EFCAB5: variants seen among roughly 807,000 people sequenced by gnomAD.
EFCAB5 encodes EF-hand calcium binding domain 5, also known as EF-hand calcium-binding domain-containing protein 5.
Under a neutral mutation model 167.9 loss-of-function variants are expected in EFCAB5, and 131 were observed. The ratio of observed to expected loss-of-function variants is 0.78; its 90% CI spans 0.68 to 0.90. The LOEUF is 0.90. EFCAB5 is among the 40% of genes least tolerant of loss of function. The pLI, the probability that EFCAB5 is intolerant of heterozygous loss-of-function variation, is 0.00. For synonymous variants in EFCAB5, 574 were observed against 602.8 expected (o/e 0.95, Z 0.70); for missense variants, 1,663 against 1,745.2 (o/e 0.95, Z 0.84).
rs1212434923 is a variant in EFCAB5, at chr17:30,053,431, C to G, written c.1477C>G (p.Leu493Val). 2.5e-6 allele frequency: 4 copies of G among 1,613,980 alleles called. No homozygotes were observed. The highest frequency in any genetic ancestry group is 2.5e-6 in the Non-Finnish European group (3 of 1,179,882). ...KLLESPDQPKLNEQRTSTPSP... is the reference protein window; with the variant it reads ...KLLESPDQPKVNEQRTSTPSP... ...ATTAGAAAGTCCAGATCAACCTAAA[C>G]TTAACGAACAGAGAACATCAACACC... Residue 493 changes from leucine to valine, a missense_variant, in exon 10 of 23, where the codon CTT becomes GTT. Coordinates refer to ENST00000394835, the MANE Select transcript of EFCAB5 (RefSeq NM_198529.4).
At chr17:30,032,971 C>T (rs1442352034) in intron 7 of EFCAB5, among the ~76,000 whole-genome samples, 3 of 152,166 alleles carry the variant, frequency 2.0e-5, no homozygotes, top group African/African-American at 7.2e-5. Context: ...CTTAAGTGTT[C>T]CCCCTGGTTC....
At chr17:30,059,811 C>A (rs1464194868) in intron 14 of EFCAB5, 110 bp downstream of exon 14, 2 of 789,124 alleles carry the variant, frequency 2.5e-6, no homozygotes, top group East Asian at 3.0e-5. Flanking sequence ...ACTAGATAAC[C>A]CTTCATGTCT....
chr17:29,994,161 TATATATATATATATATGTG>T (rs2068492316), intron 5 of EFCAB5, among the ~76,000 whole-genome samples: 5 of 136,318 alleles, frequency 3.7e-5, no homozygotes, highest in Non-Finnish European at 6.3e-5. Context: ...TATATATATA[TATATATATATATATATGTG>T]ATATATATAT....
At chr17:29,959,157 T>C (rs2067673250) in intron 3 of EFCAB5, among the ~76,000 whole-genome samples, 1 of 152,062 alleles carries the variant, frequency 6.6e-6, no homozygotes, top group South Asian at 2.1e-4. Flanking sequence ...GTCTGGCTAC[T>C]GCTGATGTTT....
chr17:30,047,492 C>T (rs1211174623), intron 8 of EFCAB5, among the ~76,000 whole-genome samples: 1 of 152,060 alleles, frequency 6.6e-6, no homozygotes, highest in Non-Finnish European at 1.5e-5. Flanking sequence ...CATTTAACTA[C>T]CAGAGACAAG....
intron 7 of EFCAB5, among the ~76,000 whole-genome samples, chr17:30,022,724 T>C (rs2069211514): frequency 6.6e-6 from 1 of 152,190 alleles, no homozygotes; most frequent in Admixed American, 6.5e-5. Context: ...TTTTGTTTTG[T>C]TTTATAAGTC....
intron 6 of EFCAB5, among the ~76,000 whole-genome samples, chr17:29,998,061 A>G (rs932086543): frequency 6.6e-6 from 1 of 152,214 alleles, no homozygotes; most frequent in South Asian, 2.1e-4. Context: ...ATTGACAACA[A>G]TACATTGTCT....
Position 30,053,510 on chromosome 17 carries a change from AAAG to A in EFCAB5, c.1559_1561del (p.Arg520del). ...GGAGTAACTGCAGAACAAGGACCAC[AAAG>A]AATTTCAATTGAAGAACAACAACAA... is the stretch of plus-strand genomic sequence containing the variant. On this transcript the variant is annotated inframe_deletion, in exon 10 of 23. Coordinates refer to ENST00000394835, the MANE Select transcript of EFCAB5 (RefSeq NM_198529.4). The A allele has an allele frequency of 6.2e-7, 1 of 1,613,960 alleles. No individual in the cohort carries two copies. The highest frequency in any genetic ancestry group is 2.2e-5 in the East Asian group (1 of 44,878).
chr17:30,027,293 CTT>C (rs906468665), intron 7 of EFCAB5, among the ~76,000 whole-genome samples: 4 of 67,358 alleles, frequency 5.9e-5, no homozygotes, highest in South Asian at 5.2e-4. Flanking sequence ...CCACACCAGT[CTT>C]TTTTTTTTTT....
intron 3 of EFCAB5, among the ~76,000 whole-genome samples, chr17:29,964,273 AT>A (rs1446605574): frequency 6.6e-6 from 1 of 152,130 alleles, no homozygotes; most frequent in African/African-American, 2.4e-5. Context: ...TTAGCATAAA[AT>A]TGCTCATAGT....
intron 8 of EFCAB5, among the ~76,000 whole-genome samples, chr17:30,049,250 G>A (rs904737830): frequency 2.0e-5 from 3 of 152,098 alleles, no homozygotes; most frequent in Non-Finnish European, 2.9e-5. Flanking sequence ...GGGAGGCTGA[G>A]GTGGGCGGAT....
intron 8 of EFCAB5, among the ~76,000 whole-genome samples, chr17:30,040,805 G>A (rs2069749558): frequency 6.6e-6 from 1 of 152,198 alleles, no homozygotes; most frequent in Non-Finnish European, 1.5e-5. Flanking sequence ...GTTTAGCCCA[G>A]TTAGTTGCTT....
chr17:30,107,020 T>C (rs945531217), intron 22 of EFCAB5, among the ~76,000 whole-genome samples: 7 of 152,340 alleles, frequency 4.6e-5, no homozygotes, highest in Admixed American at 3.3e-4. Context: ...ACAAAACTCA[T>C]TGGTGTAGAG....
chr17:30,069,246 T>C (rs2070662783), intron 14 of EFCAB5: 3 of 1,536,824 alleles, frequency 2.0e-6, no homozygotes, highest in South Asian at 1.1e-5. Context: ...CCAGAAAAGA[T>C]TTTGACTGAA....
intron 22 of EFCAB5, among the ~76,000 whole-genome samples, chr17:30,097,493 C>T (rs983870577): frequency 2.6e-5 from 4 of 152,210 alleles, no homozygotes; most frequent in African/African-American, 9.6e-5. Flanking sequence ...ACTGTTTCTT[C>T]TTGGCATTTG....
At chr17:29,963,981 GC>G (rs2067774046) in intron 3 of EFCAB5, among the ~76,000 whole-genome samples, 1 of 151,816 alleles carries the variant, frequency 6.6e-6, no homozygotes, top group African/African-American at 2.4e-5. Flanking sequence ...TGATATGCCA[GC>G]CCCGCCCCCA....
rs780759531 is a variant in EFCAB5 at position 30,080,214 on chromosome 17, T to G, written c.3170T>G (p.Val1057Gly). 28 of 1,604,090 alleles carry G rather than the reference T, an allele frequency of 1.7e-5. No individual in the cohort carries two copies. Among genetic ancestry groups the G allele is most frequent in the Non-Finnish European group, 2.2e-5 (26 of 1,177,238 alleles). The change falls in exon 16 of 23, where the codon GTG (valine) becomes GGG (glycine). Residue 1057 changes from valine to glycine, a missense_variant. Coordinates refer to ENST00000394835, the MANE Select transcript of EFCAB5 (RefSeq NM_198529.4). Reference protein sequence around the residue: ...LDDAQFVLNRVLYRDMKGISF... With the variant: ...LDDAQFVLNRGLYRDMKGISF... ...GATGCTCAATTTGTACTGAACAGAGTGCTCTACAGGGACATGAAAGGAATC... is the reference window on the plus strand; with the variant it reads ...GATGCTCAATTTGTACTGAACAGAGGGCTCTACAGGGACATGAAAGGAATC...
chr17:29,986,115 G>A (rs888532432), intron 4 of EFCAB5, among the ~76,000 whole-genome samples: 1 of 152,214 alleles, frequency 6.6e-6, no homozygotes. Flanking sequence ...AAGCGCTCCA[G>A]TTCCTGGCAT....
In EFCAB5 at chr17:30,014,538, C is replaced by A. The variant is rs562003154; in HGVS notation, c.1044+14562C>A. 3.9e-5 allele frequency among the ~76,000 whole-genome samples: 6 copies of A among 152,216 alleles called. No homozygotes were observed. The South Asian group carries it at 1.2e-3, about 32-fold the overall frequency. ...GTTAGCTCTTCTTGTTGAATTGAAC[C>A]CTTTACCATTATATAATGACCTTCT... On this transcript the variant is annotated intron_variant, in intron 7 of 22. Coordinates refer to ENST00000394835, the MANE Select transcript of EFCAB5 (RefSeq NM_198529.4).
Sources: gnomAD v4.1 joint callset for allele counts (sites outside exome capture counted in the v4.1 genomes callset) on GRCh38, gnomAD v4.1.1 for gene constraint, MANE v1.5 for transcripts, NCBI Gene and HGNC (gene_info 2026-07-23, HGNC 2026-07-21) for gene names.